KIRREL3: variants seen among roughly 807,000 people sequenced by gnomAD.
KIRREL3 encodes kin of IRRE-like protein 3.
In KIRREL3, 36 loss-of-function variants were observed where a neutral mutation model predicts 89.7. The observed-to-expected ratio is 0.40, with a 90% CI of 0.31 to 0.53. The LOEUF (loss-of-function observed/expected upper bound fraction) is 0.53, where lower values mean the gene tolerates loss of function less well. Among genes scored for constraint, KIRREL3 ranks in the 20% least tolerant of loss-of-function variants. KIRREL3 has a pLI of 0.49. For missense variants in KIRREL3, 864 were observed against 1,056.6 expected (o/e 0.82, Z 2.53); for synonymous variants, 445 against 441.4 (o/e 1.01, Z -0.10).
intron 1 of KIRREL3, among the ~76,000 whole-genome samples, chr11:126,919,746 T>C (rs1947193502): frequency 6.6e-6 from 1 of 152,182 alleles, no homozygotes; most frequent in African/African-American, 2.4e-5. Context: ...TGGGGCTAAA[T>C]AGGTGTGCAT....
At position 126,605,511 on chromosome 11, in the gene KIRREL3, G is replaced by C. The variant is rs1942850186; in HGVS notation, c.56-42599C>G. Among the ~76,000 whole-genome samples, 3 of 152,326 alleles carry C rather than the reference G, an allele frequency of 2.0e-5. No homozygotes were observed. The South Asian group carries it at 6.2e-4, about 32-fold the overall frequency. On this transcript the variant is annotated intron_variant, in intron 1 of 16. Transcript: ENST00000525144. This position sits in a 1 kb window ranked among gnomAD's most constrained non-coding sequence, Gnocchi z 5.7. The stretch of plus-strand genomic sequence containing the variant: ...ATGGATGAGACTCAGGATGCCAGGA[G>C]GGAGGCACAGCCCACACTTAGCAGC...
intron 1 of KIRREL3, among the ~76,000 whole-genome samples, chr11:126,799,566 G>C (rs1015078056): frequency 1.6e-5 from 1 of 63,000 alleles, no homozygotes; most frequent in African/African-American, 5.6e-5. Flanking sequence ...GGGGAAAGAA[G>C]GTGAGACTCC....
intron 1 of KIRREL3, among the ~76,000 whole-genome samples, chr11:126,895,430 C>A: frequency 8.5e-6 from 1 of 118,342 alleles, no homozygotes; most frequent in African/African-American, 3.4e-5. Flanking sequence ...GCCTCAGCAA[C>A]AGAGTGAGAC....
chr11:126,440,564 C>A lies in KIRREL3; in HGVS notation c.1253-15G>T. 1 of 1,582,034 alleles carries A rather than the reference C, an allele frequency of 6.3e-7. No individual in the cohort carries two copies. The highest frequency in any genetic ancestry group is 8.6e-7 in the Non-Finnish European group (1 of 1,163,974). ...GATGGGGGGTCCTGTTGAGAAACAG[C>A]GTCCCATTAGGCACCCGGGAAGGGC... On this transcript the variant is annotated splice_polypyrimidine_tract_variant and intron_variant, in intron 10 of 16. Transcript: ENST00000525144.
In KIRREL3 at chr11:126,704,201, G is replaced by A. The variant is rs1947426157; in HGVS notation, c.56-141289C>T. ...CATTTGCACATGCCCATCCAGCTGA[G>A]CAACATGTATTTACACAGCACACAC... is the stretch of plus-strand genomic sequence containing the variant. On this transcript the variant is annotated intron_variant, in intron 1 of 16. Coordinates refer to ENST00000525144, the MANE Select transcript of KIRREL3 (RefSeq NM_032531.4). This position sits in a 1 kb window ranked among gnomAD's most constrained non-coding sequence, Gnocchi z 4.2. Among the ~76,000 whole-genome samples, 1 of 152,202 alleles carries A rather than the reference G, an allele frequency of 6.6e-6. No individual in the cohort carries two copies. Among genetic ancestry groups the A allele is most frequent in the South Asian group, 2.1e-4 (1 of 4,824 alleles).
At chr11:126,798,484 T>G (rs1291826019) in intron 1 of KIRREL3, among the ~76,000 whole-genome samples, 1 of 152,214 alleles carries the variant, frequency 6.6e-6, no homozygotes, top group African/African-American at 2.4e-5. Flanking sequence ...CCATTTGATG[T>G]TTCACTGAAA....
At chr11:126,775,984 C>A (rs1353030071) in intron 1 of KIRREL3, among the ~76,000 whole-genome samples, 1 of 152,210 alleles carries the variant, frequency 6.6e-6, no homozygotes, top group Non-Finnish European at 1.5e-5. Context: ...GACGACAGTA[C>A]TTTCTGCAAG....
At chr11:126,735,091 A>T (rs1167619993) in intron 1 of KIRREL3, among the ~76,000 whole-genome samples, 1 of 152,206 alleles carries the variant, frequency 6.6e-6, no homozygotes, top group Non-Finnish European at 1.5e-5. Context: ...ATGGAGGAAC[A>T]TGCACTGGAA....
At position 126,526,373 on chromosome 11, in the gene KIRREL3, C is replaced by T. The variant is rs1462417971; in HGVS notation, c.283+165G>A. 5.9e-5 allele frequency among the ~76,000 whole-genome samples: 9 copies of T among 152,174 alleles called. No individual in the cohort carries two copies. Among genetic ancestry groups the T allele is most frequent in the Admixed American group, 5.9e-4 (9 of 15,270 alleles). On this transcript the variant is annotated intron_variant, in intron 3 of 16. Coordinates refer to ENST00000525144, the MANE Select transcript of KIRREL3 (RefSeq NM_032531.4). The surrounding 1 kb of genome is among the most constrained non-coding windows in gnomAD (Gnocchi z 5.7). ...CAGGGGCCCTCAGAGTCTAGGGATGCTGGGTGCAGTGCTTGCCTAGCCTGA... is the reference window on the plus strand; with the variant it reads ...CAGGGGCCCTCAGAGTCTAGGGATGTTGGGTGCAGTGCTTGCCTAGCCTGA...
intron 1 of KIRREL3, among the ~76,000 whole-genome samples, chr11:126,718,934 A>C (rs4937180): frequency 0.88 from 133,932 of 152,164 alleles, 59,075 homozygotes; most frequent in East Asian, 1. Context: ...GGGCGTTGAT[A>C]GAAACCTTTG....
chr11:126,819,592 C>T (rs914240113), intron 1 of KIRREL3, among the ~76,000 whole-genome samples: 4 of 152,184 alleles, frequency 2.6e-5, no homozygotes, highest in Non-Finnish European at 5.9e-5. Context: ...TTCGCAGGTA[C>T]GATGGCATTA....
At chr11:126,827,407 A>C (rs1232590326) in intron 1 of KIRREL3, among the ~76,000 whole-genome samples, 1 of 152,004 alleles carries the variant, frequency 6.6e-6, no homozygotes, top group African/African-American at 2.4e-5. Flanking sequence ...GGAACTCCTG[A>C]CCTCGTGATT....
At chr11:126,790,921 G>A in intron 1 of KIRREL3, among the ~76,000 whole-genome samples, 1 of 152,144 alleles carries the variant, frequency 6.6e-6, no homozygotes, top group East Asian at 1.9e-4. Flanking sequence ...CAAGAACAAT[G>A]CCTATTGTGC....
In KIRREL3 at chr11:126,843,382, G is replaced by A. The variant is rs373711879; in HGVS notation, c.55+157073C>T. 6.6e-6 allele frequency among the ~76,000 whole-genome samples: 1 copy of A among 152,260 alleles called. No individual in the cohort carries two copies. ...TGCATGAGAAATGCTTCCAGTGAGT[G>A]AGATTTCATGGGAGGTTGGAGTGGG... On this transcript the variant is annotated intron_variant, in intron 1 of 16. Transcript: ENST00000525144. The surrounding 1 kb of genome is among the most constrained non-coding windows in gnomAD (Gnocchi z 4.6).
intron 1 of KIRREL3, among the ~76,000 whole-genome samples, chr11:126,586,716 G>A (rs1186623328): frequency 2.0e-5 from 3 of 152,048 alleles, no homozygotes. Flanking sequence ...CTTGGGTGCT[G>A]CCACTTGTCC....
chr11:126,923,176 C>CTTCTTCTTCTTCTTCT lies in KIRREL3; in HGVS notation c.55+77278_55+77279insAGAAGAAGAAGAAGAA, dbSNP rs766266024. Among the ~76,000 whole-genome samples, 15 of 17,996 alleles carry CTTCTTCTTCTTCTTCT rather than the reference C, an allele frequency of 8.3e-4. 5 individuals carry two copies. The highest frequency in any genetic ancestry group is 0.091 in the Middle Eastern group (2 of 22). The allele number at this position is 17,996 out of a possible 152,430, so 11.8% of individuals were successfully genotyped here. On this transcript the variant is annotated intron_variant, in intron 1 of 16. Coordinates refer to ENST00000525144, the MANE Select transcript of KIRREL3 (RefSeq NM_032531.4). ...TCTTCTTCTTCTTCTTCTTCTTCTT[C>CTTCTTCTTCTTCTTCT]TCTTCTTCTTCTCTTCTTCTTCTTC...
At chr11:126,926,189 C>T (rs1565428362) in intron 1 of KIRREL3, among the ~76,000 whole-genome samples, 1 of 152,200 alleles carries the variant, frequency 6.6e-6, no homozygotes. Flanking sequence ...AGGTGGGTGG[C>T]AGACGAAAAC....
chr11:126,584,200 G>A (rs1204780706), intron 1 of KIRREL3, among the ~76,000 whole-genome samples: 3 of 152,172 alleles, frequency 2.0e-5, no homozygotes, highest in Non-Finnish European at 4.4e-5. Flanking sequence ...TGCTTGAGAA[G>A]GAAAACAGAC....
intron 1 of KIRREL3, among the ~76,000 whole-genome samples, chr11:126,618,275 C>CT (rs11377342): frequency 0.92 from 140,418 of 152,168 alleles, 64,979 homozygotes; most frequent in East Asian, 1. Context: ...CATGAGAACT[C>CT]ACCCACATGA....
Sources: gnomAD v4.1 joint callset for allele counts (sites outside exome capture counted in the v4.1 genomes callset) on GRCh38, gnomAD v4.1.1 for gene constraint, Gnocchi (gnomAD v3.1) non-coding constraint, MANE v1.5 for transcripts, NCBI Gene and HGNC (gene_info 2026-07-23, HGNC 2026-07-21) for gene names.